Variants in LRMDA observed in about 807,000 individuals in gnomAD.
The protein encoded by LRMDA is leucine rich melanocyte differentiation associated.
In LRMDA, 18 loss-of-function variants were observed where a neutral mutation model predicts 29.8. The ratio of observed to expected loss-of-function variants is 0.60; its 90% CI spans 0.42 to 0.90. The LOEUF (loss-of-function observed/expected upper bound fraction) is 0.90, where lower values mean the gene tolerates loss of function less well. Ranked by LOEUF, LRMDA falls within the 40% of genes least tolerant of loss-of-function variation. The pLI is 0.00. For missense variants in LRMDA, 273 were observed against 273.9 expected (o/e 1.00, Z 0.02); for synonymous variants, 125 against 109.4 (o/e 1.14, Z -0.89).
chr10:75,973,347 T>G (rs1319890251), intron 2 of LRMDA, among the ~76,000 whole-genome samples: 1 of 152,120 alleles, frequency 6.6e-6, no homozygotes, highest in African/African-American at 2.4e-5. Flanking sequence ...CATCATTGTC[T>G]TTTTTTCCAC....
At chr10:76,086,763 TA>T (rs1238284460) in intron 5 of LRMDA, among the ~76,000 whole-genome samples, 1 of 152,190 alleles carries the variant, frequency 6.6e-6, no homozygotes, top group Non-Finnish European at 1.5e-5. Context: ...TGGCAGCTGC[TA>T]GCACAGTGAT....
chr10:75,516,186 G>A (rs1845286269), intron 2 of LRMDA, among the ~76,000 whole-genome samples: 1 of 152,168 alleles, frequency 6.6e-6, no homozygotes, highest in African/African-American at 2.4e-5. Context: ...TGTCTTTATA[G>A]TAGCATGATT....
intron 5 of LRMDA, among the ~76,000 whole-genome samples, chr10:76,226,300 A>G (rs1178391056): frequency 6.6e-6 from 1 of 152,064 alleles, no homozygotes; most frequent in Non-Finnish European, 1.5e-5. Flanking sequence ...CCATCAGATC[A>G]GGCCGGGCGT....
intron 2 of LRMDA, among the ~76,000 whole-genome samples, chr10:75,613,297 A>G (rs888964571): frequency 6.6e-6 from 1 of 152,158 alleles, no homozygotes; most frequent in African/African-American, 2.4e-5. Flanking sequence ...TAACACATAC[A>G]TCAGACTTGC....
At chr10:76,290,411 CTTTTTTTTTT>C (rs11321369) in intron 5 of LRMDA, among the ~76,000 whole-genome samples, 7 of 76,752 alleles carry the variant, frequency 9.1e-5, no homozygotes, top group African/African-American at 1.1e-4. Flanking sequence ...TTTATTTTCT[CTTTTTTTTTT>C]TTTTTTTTTT....
chr10:75,911,910 C>T (rs1845849005), intron 2 of LRMDA, among the ~76,000 whole-genome samples: 1 of 152,134 alleles, frequency 6.6e-6, no homozygotes, highest in Admixed American at 6.5e-5. Context: ...TCAGTATTAC[C>T]CTTTCTGTGT....
chr10:75,581,727 T>C (rs1278633463), intron 2 of LRMDA, among the ~76,000 whole-genome samples: 1 of 150,344 alleles, frequency 6.7e-6, no homozygotes, highest in Non-Finnish European at 1.5e-5. Flanking sequence ...AAGTGGGAGT[T>C]GAACAATGAG....
At chr10:76,349,563 AAC>A (rs1400080565) in intron 6 of LRMDA, among the ~76,000 whole-genome samples, 9 of 152,144 alleles carry the variant, frequency 5.9e-5, no homozygotes, top group Non-Finnish European at 1.3e-4. Flanking sequence ...ATTTGGGATA[AAC>A]AGTTTTTTCA....
intron 2 of LRMDA, among the ~76,000 whole-genome samples, chr10:75,890,407 A>G (rs1458514080): frequency 6.6e-6 from 1 of 152,236 alleles, no homozygotes; most frequent in African/African-American, 2.4e-5. Flanking sequence ...TAAAGAGGTA[A>G]TATCAGGGAA....
intron 5 of LRMDA, among the ~76,000 whole-genome samples, chr10:76,088,548 G>A (rs1454423913): frequency 2.0e-5 from 3 of 152,158 alleles, no homozygotes; most frequent in Admixed American, 6.5e-5. Flanking sequence ...TATCTGGATG[G>A]GAAGCCAGGC....
intron 6 of LRMDA, among the ~76,000 whole-genome samples, chr10:76,351,161 T>C (rs1403255161): frequency 2.6e-5 from 4 of 151,834 alleles, no homozygotes; most frequent in Non-Finnish European, 5.9e-5. Context: ...ATGTCAGGGG[T>C]TGGCAAGAGC....
intron 2 of LRMDA, among the ~76,000 whole-genome samples, chr10:75,682,638 T>C (rs1589156379): frequency 6.6e-6 from 1 of 152,220 alleles, no homozygotes; most frequent in Non-Finnish European, 1.5e-5. Context: ...AGCTAGGTTT[T>C]CCAAAGACCA....
intron 5 of LRMDA, among the ~76,000 whole-genome samples, chr10:76,102,914 A>C (rs1386918959): frequency 6.6e-6 from 1 of 152,038 alleles, no homozygotes; most frequent in East Asian, 1.9e-4. Flanking sequence ...GGCCTCCCAG[A>C]TTGCTGGGAT....
intron 2 of LRMDA, among the ~76,000 whole-genome samples, chr10:75,525,013 A>G (rs1259694077): frequency 6.6e-6 from 1 of 152,226 alleles, no homozygotes; most frequent in Non-Finnish European, 1.5e-5. Context: ...AAAACCCAAC[A>G]TACATTTGCC....
rs16933621 is a variant in LRMDA, at chr10:76,525,131, A to G, written c.602-32078A>G. On this transcript the variant is annotated intron_variant, in intron 6 of 6. Coordinates refer to ENST00000611255, the MANE Select transcript of LRMDA (RefSeq NM_001305581.2). ...GAGAAAAAGGGACAGGGGTTGTGAT[A>G]CTTATCCAGTGTTCAGATCTTGCAA... Among the ~76,000 whole-genome samples the G allele has an allele frequency of 0.01, 1,575 of 152,278 alleles. 68 individuals carry two copies. In the East Asian group the frequency reaches 0.14, roughly 13 times the overall value.
At position 76,355,515 on chromosome 10, in the gene LRMDA, A is replaced by T. The variant is rs367990520; in HGVS notation, c.601+31030A>T. Among the ~76,000 whole-genome samples the T allele has an allele frequency of 5.3e-5, 8 of 152,322 alleles. No individual in the cohort carries two copies. The South Asian group carries it at 8.3e-4, about 16-fold the overall frequency. ...TACCTGATGTGATCAAGGAAGAATA[A>T]TGAGTACAAAGGACACGTGTGTGTT... is the stretch of plus-strand genomic sequence containing the variant. On this transcript the variant is annotated intron_variant, in intron 6 of 6. Transcript: ENST00000611255.
At chr10:76,113,703 C>T (rs1053471387) in intron 5 of LRMDA, among the ~76,000 whole-genome samples, 1 of 152,048 alleles carries the variant, frequency 6.6e-6, no homozygotes, top group African/African-American at 2.4e-5. Flanking sequence ...TGTGGCTGTC[C>T]CCAGCCTCCA....
At chr10:75,825,556 G>A (rs1036930862) in intron 2 of LRMDA, among the ~76,000 whole-genome samples, 2 of 152,158 alleles carry the variant, frequency 1.3e-5, no homozygotes, top group Middle Eastern at 3.2e-3. Context: ...GAATTCCTGG[G>A]AGAGCCCGAG....
At chr10:75,853,732 C>T (rs2132313479) in intron 2 of LRMDA, among the ~76,000 whole-genome samples, 1 of 152,322 alleles carries the variant, frequency 6.6e-6, no homozygotes, top group Admixed American at 6.5e-5. Flanking sequence ...AACCAGCCGA[C>T]TCTGTGATTT....
Sources: allele counts gnomAD v4.1 joint callset (sites outside exome capture counted in the v4.1 genomes callset), GRCh38; gene constraint gnomAD v4.1.1; transcripts MANE v1.5; gene names NCBI Gene and HGNC (gene_info 2026-07-23, HGNC 2026-07-21).